Variants in NWD2 observed in about 807,000 individuals in gnomAD.
The protein encoded by NWD2 is NACHT and WD repeat domain containing 2.
NWD2 carries 37 observed loss-of-function variants against 132.7 expected under a neutral mutation model. That is an observed-to-expected ratio of 0.28 (90% CI 0.21 to 0.37). The LOEUF (loss-of-function observed/expected upper bound fraction) is 0.37. Among genes scored for constraint, NWD2 ranks in the 10% least tolerant of loss-of-function variants. The probability of loss-of-function intolerance (pLI) is 1.00; values close to 1 mark genes in which losing one functional copy is unlikely to be tolerated. For missense variants in NWD2, 1,592 were observed against 2,122.4 expected (o/e 0.75, Z 4.91); for synonymous variants, 705 against 803.0 (o/e 0.88, Z 2.06).
At chr4:37,328,653 AT>A (rs1719225519) in intron 2 of NWD2, among the ~76,000 whole-genome samples, 1 of 152,078 alleles carries the variant, frequency 6.6e-6, no homozygotes, top group African/African-American at 2.4e-5. Context: ...ATTGATGGGC[AT>A]TTGGGTTGGT....
At chr4:37,329,939 G>T (rs1177600132) in intron 2 of NWD2, among the ~76,000 whole-genome samples, 2 of 152,154 alleles carry the variant, frequency 1.3e-5, no homozygotes, top group African/African-American at 4.8e-5. Context: ...ATGTTCTCAG[G>T]CCTGGAATTG....
chr4:37,328,876 A>T (rs1003444149), intron 2 of NWD2, among the ~76,000 whole-genome samples: 6 of 151,854 alleles, frequency 4.0e-5, no homozygotes, highest in Non-Finnish European at 7.4e-5. Flanking sequence ...TTGTTTGTTT[A>T]TGTATTGGCC....
intron 5 of NWD2, among the ~76,000 whole-genome samples, chr4:37,437,393 C>T (rs1002805378): frequency 2.0e-5 from 3 of 152,114 alleles, no homozygotes; most frequent in African/African-American, 7.2e-5. Flanking sequence ...AAGGCTCTGC[C>T]CTCATGAACT....
intron 2 of NWD2, among the ~76,000 whole-genome samples, chr4:37,326,947 ATC>A (rs1719185159): frequency 6.6e-6 from 1 of 152,170 alleles, no homozygotes; most frequent in African/African-American, 2.4e-5. Flanking sequence ...AATGGCTTCA[ATC>A]TCAATGCATA....
intron 2 of NWD2, among the ~76,000 whole-genome samples, chr4:37,342,913 G>A (rs1305732886): frequency 6.6e-6 from 1 of 152,100 alleles, no homozygotes; most frequent in African/African-American, 2.4e-5. Flanking sequence ...CTTAACTGAG[G>A]ACCTGTTTGT....
At chr4:37,424,511 T>C (rs915525441) in intron 3 of NWD2, among the ~76,000 whole-genome samples, 1 of 152,184 alleles carries the variant, frequency 6.6e-6, no homozygotes, top group Admixed American at 6.5e-5. Flanking sequence ...AGAATTTTAT[T>C]TTAATAAATA....
At chr4:37,346,474 A>G (rs551334719) in intron 2 of NWD2, among the ~76,000 whole-genome samples, 2 of 152,280 alleles carry the variant, frequency 1.3e-5, no homozygotes, top group Non-Finnish European at 2.9e-5. Context: ...CTTCTTTTGT[A>G]AGATTGTTTT....
rs764557018 is a variant in NWD2 at position 37,445,593 on chromosome 4, G to A, written c.3605G>A (p.Ser1202Asn). 6.4e-7 allele frequency: 1 copy of A among 1,552,282 alleles called. No individual in the cohort carries two copies. Among genetic ancestry groups the A allele is most frequent in the South Asian group, 1.2e-5 (1 of 84,064 alleles). Residue 1202 changes from serine to asparagine, a missense_variant, in exon 7 of 7, where the codon AGT (serine) becomes AAT (asparagine). Physicochemically the swap from Ser to Asn is conservative, Grantham distance 46. This residue lies in a region of NWD2 where 1,071 missense variants were observed against 1,398.0 expected (regional missense o/e 0.77). Transcript: ENST00000309447. The surrounding 1 kb of genome is among the most constrained non-coding windows in gnomAD (Gnocchi z 4.7). Reference protein sequence around the residue: ...VVSIELSEDQSAVLICKALSI... With the variant: ...VVSIELSEDQNAVLICKALSI... ...AGCATTGAGCTTTCAGAAGACCAAA[G>A]TGCAGTTCTGATCTGTAAAGCCCTC...
At chr4:37,368,730 T>C (rs191522335) in intron 3 of NWD2, among the ~76,000 whole-genome samples, 1 of 152,266 alleles carries the variant, frequency 6.6e-6, no homozygotes, top group East Asian at 1.9e-4. Context: ...CAGCAGTTCC[T>C]GGATGAAGGT....
intron 2 of NWD2, among the ~76,000 whole-genome samples, chr4:37,345,087 T>G (rs548649226): frequency 1.3e-5 from 2 of 152,354 alleles, no homozygotes; most frequent in South Asian, 4.1e-4. Flanking sequence ...TGCCATTGTG[T>G]GGATTATGTC....
chr4:37,414,508 C>T (rs1169783780), intron 3 of NWD2, among the ~76,000 whole-genome samples: 1 of 151,340 alleles, frequency 6.6e-6, no homozygotes, highest in Non-Finnish European at 1.5e-5. Context: ...AGATAAATTA[C>T]CTTTATGCTC....
chr4:37,322,787 T>C (rs1343091821), intron 1 of NWD2, among the ~76,000 whole-genome samples: 2 of 152,134 alleles, frequency 1.3e-5, no homozygotes, highest in African/African-American at 4.8e-5. Context: ...AGGATTTGTT[T>C]AGTGGTAGAA....
At chr4:37,346,267 GT>G (rs1346561425) in intron 2 of NWD2, among the ~76,000 whole-genome samples, 4 of 152,114 alleles carry the variant, frequency 2.6e-5, no homozygotes, top group Non-Finnish European at 5.9e-5. Flanking sequence ...TGTCAAAAAG[GT>G]TATGGATGTG....
At chr4:37,271,422 C>T (rs1017918572) in intron 1 of NWD2, among the ~76,000 whole-genome samples, 3 of 151,886 alleles carry the variant, frequency 2.0e-5, no homozygotes, top group South Asian at 4.1e-4. Flanking sequence ...TCTTGCACAT[C>T]TTTTGTTAAA....
At chr4:37,416,391 G>T (rs1172114329) in intron 3 of NWD2, among the ~76,000 whole-genome samples, 5 of 152,030 alleles carry the variant, frequency 3.3e-5, no homozygotes, top group Admixed American at 2.6e-4. Flanking sequence ...CATTTCCACT[G>T]ATATAAAGCC....
intron 3 of NWD2, among the ~76,000 whole-genome samples, chr4:37,387,676 T>TA (rs1248112813): frequency 7.0e-6 from 1 of 142,572 alleles, no homozygotes; most frequent in Non-Finnish European, 1.5e-5. Flanking sequence ...TATTCTTTTT[T>TA]TTTTTTTTTT....
chr4:37,404,511 A>G (rs1401193680), intron 3 of NWD2, among the ~76,000 whole-genome samples: 1 of 152,162 alleles, frequency 6.6e-6, no homozygotes, highest in Non-Finnish European at 1.5e-5. Flanking sequence ...ATCTTCTCTG[A>G]AGTCTGTGAG....
intron 3 of NWD2, among the ~76,000 whole-genome samples, chr4:37,422,742 G>C (rs1049412723): frequency 6.6e-6 from 1 of 152,136 alleles, no homozygotes; most frequent in Admixed American, 6.6e-5. Context: ...AAATATACAA[G>C]GGAACAGTTT....
At chr4:37,256,279 A>G (rs1366452722) in intron 1 of NWD2, among the ~76,000 whole-genome samples, 1 of 152,220 alleles carries the variant, frequency 6.6e-6, no homozygotes, top group Admixed American at 6.5e-5. Context: ...GTTTTGTTTT[A>G]TTTGGGCAAA....
Sources: gnomAD v4.1 joint callset for allele counts (sites outside exome capture counted in the v4.1 genomes callset) on GRCh38, gnomAD v4.1.1 for gene constraint, gnomAD v4.1.1 regional missense constraint, Gnocchi (gnomAD v3.1) non-coding constraint, MANE v1.5 for transcripts, NCBI Gene and HGNC (gene_info 2026-07-23, HGNC 2026-07-21) for gene names.